DCBLD1: variants seen among roughly 807,000 people sequenced by gnomAD.
DCBLD1 encodes discoidin, CUB and LCCL domain containing 1.
DCBLD1 carries 57 observed loss-of-function variants against 71.5 expected under a neutral mutation model. The observed-to-expected ratio is 0.80, with a 90% confidence interval of 0.64 to 0.99. The LOEUF (loss-of-function observed/expected upper bound fraction) is 0.99, where lower values mean the gene tolerates loss of function less well. Among genes scored for constraint, DCBLD1 ranks in the 50% least tolerant of loss-of-function variants. The pLI is 0.00. For missense variants in DCBLD1, 891 were observed against 923.5 expected (o/e 0.96, Z 0.46); for synonymous variants, 380 against 363.8 (o/e 1.04, Z -0.51).
intron 6 of DCBLD1, among the ~76,000 whole-genome samples, chr6:117,532,827 G>C (rs1778768229): frequency 6.6e-6 from 1 of 152,212 alleles, no homozygotes; most frequent in South Asian, 2.1e-4. Flanking sequence ...GGGAAGTGAA[G>C]AAAGATGGCC....
chr6:117,520,695 G>T (rs572188513), intron 3 of DCBLD1, among the ~76,000 whole-genome samples: 5 of 152,196 alleles, frequency 3.3e-5, no homozygotes, highest in African/African-American at 4.8e-5. Flanking sequence ...TCCTGTCCTG[G>T]GCTCTTGTGC....
chr6:117,566,128 A>T (rs2114602193), intron 14 of DCBLD1, among the ~76,000 whole-genome samples: 1 of 152,320 alleles, frequency 6.6e-6, no homozygotes, highest in African/African-American at 2.4e-5. Flanking sequence ...AGTATTAGCA[A>T]CACTGCCTTG....
chr6:117,560,254 TAAC>T lies in DCBLD1; in HGVS notation c.1616-9363_1616-9361del, dbSNP rs1360499257. 4.1e-5 allele frequency: 7 copies of T among 171,590 alleles called. No homozygotes were observed. In the South Asian group the frequency reaches 1.0e-3, roughly 25 times the overall value. 10.6% of individuals were successfully genotyped at this position (171,590 alleles called of 1,614,324 possible). A position where few individuals can be genotyped will look rare whatever the true frequency, so the allele number is the denominator to read the frequency against. The stretch of plus-strand genomic sequence containing the variant: ...AAATAATAGAACTACTAGAAATAAA[TAAC>T]AAGCCAAAATATTTAACGTCAAGGA... On this transcript the variant is annotated intron_variant, in intron 14 of 14. Coordinates refer to the DCBLD1 transcript ENST00000296955.
chr6:117,540,846 C>G (rs755271925), intron 10 of DCBLD1, 31 bp downstream of exon 10: 6 of 1,614,078 alleles, frequency 3.7e-6, no homozygotes, highest in Non-Finnish European at 4.2e-6. Flanking sequence ...GTGAGTTACT[C>G]AAGTTTGGTC....
intron 2 of DCBLD1, among the ~76,000 whole-genome samples, chr6:117,517,445 T>G (rs150666864): frequency 2.6e-5 from 4 of 152,222 alleles, no homozygotes; most frequent in Non-Finnish European, 5.9e-5. Flanking sequence ...CTTTTTCAGG[T>G]GCAATGGATC....
intron 5 of DCBLD1, among the ~76,000 whole-genome samples, chr6:117,530,931 G>A (rs1303770573): frequency 6.6e-6 from 1 of 152,060 alleles, no homozygotes; most frequent in Non-Finnish European, 1.5e-5. Context: ...AGGGAGGGTA[G>A]TATTTGCATC....
Position 117,548,773 on chromosome 6 carries a change from A to G in DCBLD1, c.*334A>G. On this transcript the variant is annotated 3_prime_UTR_variant, in exon 15 of 15. Transcript: ENST00000338728. ...GTACAGAGTTGTATTTAACAATAAT[A>G]AAAGTAACTTAAGTTTGCTCTATCA... 8.7e-7 allele frequency: 1 copy of G among 1,147,084 alleles called. No homozygotes were observed. The highest frequency in any genetic ancestry group is 1.1e-6 in the Non-Finnish European group (1 of 932,684). The allele number at this position is 1,147,084 out of a possible 1,614,324, so 71.1% of individuals were successfully genotyped here.
intron 1 of DCBLD1, among the ~76,000 whole-genome samples, chr6:117,483,935 C>T: frequency 6.6e-6 from 1 of 151,880 alleles, no homozygotes; most frequent in East Asian, 1.9e-4. Context: ...CATTGATACT[C>T]GAGATGGTGG....
intron 2 of DCBLD1, among the ~76,000 whole-genome samples, chr6:117,504,520 A>C (rs1314613491): frequency 1.3e-5 from 2 of 152,242 alleles, no homozygotes; most frequent in Non-Finnish European, 2.9e-5. Flanking sequence ...GTGCCACTTC[A>C]AATGGGATGG....
chr6:117,533,362 C>T (rs1307124393), intron 6 of DCBLD1, among the ~76,000 whole-genome samples: 2 of 152,152 alleles, frequency 1.3e-5, no homozygotes, highest in Non-Finnish European at 2.9e-5. Context: ...CTAGCCCCCT[C>T]TTGCATCAGA....
downstream of DCBLD1, chr6:117,549,813 A>G: frequency 1.0e-6 from 1 of 985,410 alleles, no homozygotes. Context: ...CCTGACTCTC[A>G]CTAGTCAGCC....
At chr6:117,553,296 C>T (rs183719764), downstream of DCBLD1, among the ~76,000 whole-genome samples, 118 of 152,334 alleles carry the variant, frequency 7.7e-4, no homozygotes, top group African/African-American at 2.7e-3. Context: ...TAACTTCCTG[C>T]TGATTCCTCT....
chr6:117,525,176 G>C (rs1034747435), intron 4 of DCBLD1, among the ~76,000 whole-genome samples, 186 bp from the exon 5 acceptor site: 1 of 152,028 alleles, frequency 6.6e-6, no homozygotes, highest in Non-Finnish European at 1.5e-5. Flanking sequence ...AATAATTATT[G>C]TATAAAAGTT....
chr6:117,556,283 G>A (rs1019096428), intron 14 of DCBLD1, among the ~76,000 whole-genome samples: 8 of 152,122 alleles, frequency 5.3e-5, no homozygotes, highest in Non-Finnish European at 1.0e-4. Flanking sequence ...ATATTGCGTA[G>A]TGGTGGAGTT....
chr6:117,551,131 A>C (rs1779420644), downstream of DCBLD1, among the ~76,000 whole-genome samples: 1 of 152,120 alleles, frequency 6.6e-6, no homozygotes, highest in Non-Finnish European at 1.5e-5. Flanking sequence ...TAGGGGCTTT[A>C]AAGGTTTTTA....
At chr6:117,540,087 A>T (rs956385460) in intron 9 of DCBLD1, 1 of 151,438 alleles carries the variant, frequency 6.6e-6, no homozygotes, top group South Asian at 2.1e-4. Flanking sequence ...AAAGAAAAAG[A>T]AAAAAAGAAA....
chr6:117,548,040 G>T lies in DCBLD1; in HGVS notation c.1749G>T (p.Arg583=). ...DAGGHYDCPQ[R]AGRHEYALPL... is the part of the protein sequence containing the mutation. ...GCGGCCACTATGACTGCCCGCAGCG[G>T]GCCGGCCGCCACGAGTACGCGCTGC... is the stretch of plus-strand genomic sequence containing the variant. The change falls in exon 15 of 15, where the codon CGG becomes CGT. Residue 583 remains arginine (R), a synonymous_variant. Transcript: ENST00000338728. 6.5e-7 allele frequency: 1 copy of T among 1,549,402 alleles called. No homozygotes were observed.
chr6:117,515,739 T>A (rs1022829633), intron 2 of DCBLD1, among the ~76,000 whole-genome samples: 1 of 152,222 alleles, frequency 6.6e-6, no homozygotes, highest in Admixed American at 6.5e-5. Flanking sequence ...TTTTTTCTTG[T>A]TTCTTTACAC....
chr6:117,515,124 A>G (rs995201776), intron 2 of DCBLD1, among the ~76,000 whole-genome samples: 2 of 151,630 alleles, frequency 1.3e-5, no homozygotes, highest in African/African-American at 4.9e-5. Flanking sequence ...GGTTCAAGCA[A>G]TTCTCCTGTC....
Sources: allele counts gnomAD v4.1 joint callset (sites outside exome capture counted in the v4.1 genomes callset), GRCh38; gene constraint gnomAD v4.1.1; transcripts MANE v1.5; gene names NCBI Gene and HGNC (gene_info 2026-07-23, HGNC 2026-07-21).